The following DDHD1 variants were observed in gnomAD, a reference collection of about 807,000 sequenced individuals.
DDHD1 encodes phospholipase DDHD1.
DDHD1 carries 49 observed loss-of-function variants against 96.4 expected under a neutral mutation model. That is an observed-to-expected ratio of 0.51 (90% confidence interval 0.40 to 0.64). The LOEUF (loss-of-function observed/expected upper bound fraction) is 0.64. DDHD1 is among the 30% of genes least tolerant of loss of function. The pLI, the probability that DDHD1 is intolerant of heterozygous loss-of-function variation, is 0.00. For missense variants in DDHD1, 1,106 were observed against 1,161.2 expected (o/e 0.95, Z 0.69); for synonymous variants, 442 against 446.5 (o/e 0.99, Z 0.13).
At position 53,152,309 on chromosome 14, in the gene DDHD1, A is replaced by G. The variant is rs1891461090; in HGVS notation, c.790T>C (p.Tyr264His). ...IEPVCVRGGL[Y>H]EVDVTQGECY... ...TCTCCTTGGGTCACATCCACCTCGTAGAGGCCGCCCCGCACGCACACAGGC... is the reference window on the plus strand; with the variant it reads ...TCTCCTTGGGTCACATCCACCTCGTGGAGGCCGCCCCGCACGCACACAGGC... Residue 264 changes from tyrosine (Y) to histidine (H), a missense_variant, in exon 1 of 13, where the codon TAC becomes CAC. Physicochemically the swap from Tyr to His is moderately conservative, Grantham distance 83 (BLOSUM62 2). This residue lies in a region of DDHD1 where 456 missense variants were observed against 402.4 expected (regional missense o/e 1.13). Transcript: ENST00000673822. 6.2e-7 allele frequency: 1 copy of G among 1,613,856 alleles called. No individual in the cohort carries two copies. Among genetic ancestry groups the G allele is most frequent in the Non-Finnish European group, 8.5e-7 (1 of 1,179,848 alleles).
Position 53,038,533 on chromosome 14 carries a change from G to C in DDHD1, c.*8235C>G, listed in dbSNP as rs982078379. 1 of 152,050 alleles carries C rather than the reference G, an allele frequency of 6.6e-6. No individual in the cohort carries two copies. Among genetic ancestry groups the C allele is most frequent in the African/African-American group, 2.4e-5 (1 of 41,408 alleles). 9.4% of individuals were successfully genotyped at this position (152,050 alleles called of 1,614,324 possible). On this transcript the variant is annotated 3_prime_UTR_variant, in exon 13 of 13. Coordinates refer to ENST00000673822, the MANE Select transcript of DDHD1 (RefSeq NM_001160148.2). Reference sequence around the variant, plus strand: ...AAATCAGGGATGAAACCAAAAAATGGAAAAACATTCCATGTTCATGGATTG... The same window carrying C: ...AAATCAGGGATGAAACCAAAAAATGCAAAAACATTCCATGTTCATGGATTG...
intron 1 of DDHD1, chr14:53,150,172 G>T (rs1029086978): frequency 6.6e-6 from 1 of 151,884 alleles, no homozygotes; most frequent in Non-Finnish European, 1.5e-5. Flanking sequence ...AAAATGCCAC[G>T]CAGTTTCAGA....
chr14:53,041,267 T>C lies in DDHD1; in HGVS notation c.*5501A>G, dbSNP rs1881623414. ...CAAGTTGTACCATGTTACATATAAA[T>C]GAAAAACCATAAGGTAGCAGACAAT... is the stretch of plus-strand genomic sequence containing the variant. On this transcript the variant is annotated 3_prime_UTR_variant, in exon 13 of 13. Coordinates refer to ENST00000673822, the MANE Select transcript of DDHD1 (RefSeq NM_001160148.2). 6.6e-6 allele frequency: 1 copy of C among 152,168 alleles called. No homozygotes were observed. The highest frequency in any genetic ancestry group is 1.5e-5 in the Non-Finnish European group (1 of 68,000). 9.4% of individuals were successfully genotyped at this position (152,168 alleles called of 1,614,324 possible). A position where few individuals can be genotyped will look rare whatever the true frequency, so the allele number is the denominator to read the frequency against.
chr14:53,095,921 G>C lies in DDHD1; in HGVS notation c.1013-2477C>G, dbSNP rs111424271. ...ATCATCTTAAACCATTTTAATGTTG[G>C]GGAACATCTGAATATCCTGTTACTG... On this transcript the variant is annotated intron_variant, in intron 2 of 12. Coordinates refer to ENST00000673822, the MANE Select transcript of DDHD1 (RefSeq NM_001160148.2). Among the ~76,000 whole-genome samples the C allele has an allele frequency of 4.8e-3, 737 of 152,044 alleles. 6 individuals are homozygous for C. The highest frequency in any genetic ancestry group is 0.017 in the African/African-American group (708 of 41,490).
chr14:53,150,909 C>G (rs1276338828), intron 1 of DDHD1, among the ~76,000 whole-genome samples: 1 of 152,142 alleles, frequency 6.6e-6, no homozygotes, highest in Non-Finnish European at 1.5e-5. Flanking sequence ...AATGATGTAA[C>G]AGATCTCACT....
At chr14:53,099,385 T>C (rs547480728) in intron 2 of DDHD1, among the ~76,000 whole-genome samples, 3 of 152,316 alleles carry the variant, frequency 2.0e-5, no homozygotes, top group South Asian at 2.1e-4. Flanking sequence ...GGGTACCACA[T>C]TGCATTTTGT....
At chr14:53,107,946 G>A (rs1275856423) in intron 1 of DDHD1, among the ~76,000 whole-genome samples, 3 of 152,208 alleles carry the variant, frequency 2.0e-5, no homozygotes, top group African/African-American at 4.8e-5. Flanking sequence ...TCTATTGCCT[G>A]AGAGCACAGC....
intron 4 of DDHD1, among the ~76,000 whole-genome samples, chr14:53,080,717 CT>C (rs1555334173): frequency 9.3e-4 from 83 of 89,506 alleles, no homozygotes; most frequent in Middle Eastern, 5.4e-3. Context: ...TTCCTTCCCC[CT>C]TTTTTTTTTT....
At chr14:53,051,157 C>A (rs1422665763) in intron 12 of DDHD1, among the ~76,000 whole-genome samples, 1 of 148,768 alleles carries the variant, frequency 6.7e-6, no homozygotes, top group Non-Finnish European at 1.5e-5. Context: ...AAAAATCCCA[C>A]AAAGCCCTGT....
intron 1 of DDHD1, among the ~76,000 whole-genome samples, chr14:53,132,722 T>C (rs565277603): frequency 6.6e-6 from 1 of 152,148 alleles, no homozygotes; most frequent in Non-Finnish European, 1.5e-5. Context: ...TAAAAACTCT[T>C]CTCAAGGCCG....
intron 1 of DDHD1, among the ~76,000 whole-genome samples, chr14:53,106,218 C>T (rs1476446349): frequency 6.6e-6 from 1 of 152,166 alleles, no homozygotes; most frequent in Admixed American, 6.5e-5. Context: ...CTTGGATCTA[C>T]ATTTAAATAT....
At position 53,046,746 on chromosome 14, in the gene DDHD1, C is replaced by T. The variant is rs199857671; in HGVS notation, c.*22G>A. 104 of 1,439,754 alleles carry T rather than the reference C, an allele frequency of 7.2e-5. No individual in the cohort carries two copies. The African/African-American group carries it at 2.2e-3, about 30-fold the overall frequency. The allele number at this position is 1,439,754 out of a possible 1,614,324, so 89.2% of individuals were successfully genotyped here. A position where few individuals can be genotyped will look rare whatever the true frequency, so the allele number is the denominator to read the frequency against. On this transcript the variant is annotated 3_prime_UTR_variant, in exon 13 of 13. Coordinates refer to ENST00000673822, the MANE Select transcript of DDHD1 (RefSeq NM_001160148.2). ...GAAAAAAAAAAAATCAGTTTTAGGC[C>T]ATTCATGTCCTTCAAGAGAGTTCAG...
intron 1 of DDHD1, among the ~76,000 whole-genome samples, chr14:53,104,065 C>T (rs1050241597): frequency 6.6e-6 from 1 of 151,990 alleles, no homozygotes; most frequent in African/African-American, 2.4e-5. Context: ...GTAGTGTGAC[C>T]ACAGCTCACT....
chr14:53,102,027 A>G (rs1169434082), intron 2 of DDHD1, among the ~76,000 whole-genome samples: 1 of 152,024 alleles, frequency 6.6e-6, no homozygotes, highest in Non-Finnish European at 1.5e-5. Flanking sequence ...TGTGTTAATA[A>G]TAAGAAATTC....
At chr14:53,090,366 A>G (rs1886329768) in intron 4 of DDHD1, among the ~76,000 whole-genome samples, 1 of 152,230 alleles carries the variant, frequency 6.6e-6, no homozygotes, top group South Asian at 2.1e-4. Context: ...CAGCCATTCC[A>G]TGACTGGGTA....
rs180694707 is a variant in DDHD1 at position 53,129,463 on chromosome 14, G to A, written c.838+22798C>T. On this transcript the variant is annotated intron_variant, in intron 1 of 12. Coordinates refer to ENST00000673822, the MANE Select transcript of DDHD1 (RefSeq NM_001160148.2). ...TCCGTGATCTCAAAACTCTGGTGCC[G>A]GTTACGGACTGAGGAAGACAGTCTT... Among the ~76,000 whole-genome samples the A allele has an allele frequency of 3.9e-5, 6 of 152,280 alleles. No homozygotes were observed. The East Asian group carries it at 5.8e-4, about 15-fold the overall frequency.
chr14:53,103,694 T>A lies in DDHD1; in HGVS notation c.1001A>T (p.Asp334Val). Reference protein sequence around the residue: ...NFDIEVSKSIDGKDAVHSFKL... With the variant: ...NFDIEVSKSIVGKDAVHSFKL... ...TCAATTGATCTTACCATCTTTTCCA[T>A]CTATGGATTTTGACACTTCAATATC... The change falls in exon 2 of 13, where the codon GAT (aspartate) becomes GTT (valine). Residue 334 changes from aspartate (D) to valine (V), a missense_variant. Physicochemically the swap from Asp to Val is radical, Grantham distance 152 (BLOSUM62 -3). Coordinates refer to ENST00000673822, the MANE Select transcript of DDHD1 (RefSeq NM_001160148.2). The A allele has an allele frequency of 6.2e-7, 1 of 1,610,518 alleles. No individual in the cohort carries two copies. Among genetic ancestry groups the A allele is most frequent in the Non-Finnish European group, 8.5e-7 (1 of 1,178,902 alleles).
At chr14:53,086,824 G>T (rs1886001439) in intron 4 of DDHD1, among the ~76,000 whole-genome samples, 1 of 151,984 alleles carries the variant, frequency 6.6e-6, no homozygotes, top group African/African-American at 2.4e-5. Context: ...CTGTAAATGG[G>T]CTAAATGTCC....
At chr14:53,086,071 T>G (rs187567208) in intron 4 of DDHD1, among the ~76,000 whole-genome samples, 1 of 152,058 alleles carries the variant, frequency 6.6e-6, no homozygotes, top group Admixed American at 6.6e-5. Context: ...ATCAAATTCA[T>G]GAAATGAAGC....
Sources: allele counts gnomAD v4.1 joint callset (sites outside exome capture counted in the v4.1 genomes callset), GRCh38; gene constraint gnomAD v4.1.1; regional missense constraint gnomAD v4.1.1; transcripts MANE v1.5; gene names NCBI Gene and HGNC (gene_info 2026-07-23, HGNC 2026-07-21).